Variants in NCBP2 observed in about 807,000 individuals in gnomAD.
NCBP2 encodes nuclear cap binding protein subunit 2, also known as nuclear cap-binding protein subunit 2.
NCBP2 carries 8 observed loss-of-function variants against 21.5 expected under a neutral mutation model. The ratio of observed to expected loss-of-function variants is 0.37; its 90% CI spans 0.22 to 0.67. The LOEUF (loss-of-function observed/expected upper bound fraction) is 0.67. Ranked by LOEUF, NCBP2 falls within the 30% of genes least tolerant of loss-of-function variation. The pLI, the probability that NCBP2 is intolerant of heterozygous loss-of-function variation, is 0.56. For missense variants in NCBP2, 127 were observed against 206.9 expected (o/e 0.61, Z 2.37); for synonymous variants, 92 against 75.8 (o/e 1.21, Z -1.11).
Position 196,937,646 on chromosome 3 carries a change from T to C in NCBP2, c.263A>G (p.Tyr88Cys), listed in dbSNP as rs1716329006. 6.2e-7 allele frequency: 1 copy of C among 1,613,976 alleles called. No homozygotes were observed. Among genetic ancestry groups the C allele is most frequent in the South Asian group, 1.1e-5 (1 of 91,078 alleles). The change falls in exon 3 of 4, where the codon TAT becomes TGT. Residue 88 changes from tyrosine (Y) to cysteine (C), a missense_variant and splice_region_variant. By Grantham distance (194) the Tyr-to-Cys change is radical (BLOSUM62 -2). Transcript: ENST00000321256. ...GTTTTCCGCATCTGCGCGTGAGTAA[T>C]ATCTTAAGTATTAAGGAACACTAGC... ...KTACGFCFVE[Y>C]YSRADAENAM...
chr3:196,939,310 C>CT lies in NCBP2; in HGVS notation c.200dup (p.Lys68GlufsTer8). 1 of 1,613,830 alleles carries CT rather than the reference C, an allele frequency of 6.2e-7. No individual in the cohort carries two copies. Among genetic ancestry groups the CT allele is most frequent in the Non-Finnish European group, 8.5e-7 (1 of 1,179,746 alleles). On this transcript the variant is annotated frameshift_variant, in exon 2 of 4. Transcript: ENST00000321256. LOFTEE classifies it high-confidence loss of function. The stretch of plus-strand genomic sequence containing the variant: ...TTTTATCCAGACCCATAATGATTTT[C>CT]TTTATGTCACCACTTTTGCTGAAGA...
intron 1 of NCBP2, chr3:196,941,553 T>C (rs1460445504): frequency 2.6e-5 from 8 of 309,056 alleles, no homozygotes; most frequent in Non-Finnish European, 4.8e-5. Flanking sequence ...GAATCCTCAC[T>C]ACAGGGGATT....
chr3:196,936,917 G>T lies in NCBP2; in HGVS notation c.*94C>A. 1.8e-6 allele frequency: 2 copies of T among 1,139,254 alleles called. No homozygotes were observed. Among genetic ancestry groups the T allele is most frequent in the South Asian group, 1.2e-5 (1 of 81,042 alleles). 70.6% of individuals were successfully genotyped at this position (1,139,254 alleles called of 1,614,324 possible). ...TCAGTAAAGACACTGATCAAATCTT[G>T]GTAAAAATGGGCTCGTGTGCAGACT... is the stretch of plus-strand genomic sequence containing the variant. On this transcript the variant is annotated 3_prime_UTR_variant, in exon 4 of 4. Transcript: ENST00000321256.
In NCBP2 at chr3:196,936,017, G is replaced by A. The variant is rs1189132256; in HGVS notation, c.*994C>T. 1 of 152,138 alleles carries A rather than the reference G, an allele frequency of 6.6e-6. No homozygotes were observed. Among genetic ancestry groups the A allele is most frequent in the African/African-American group, 2.4e-5 (1 of 41,414 alleles). The allele number at this position is 152,138 out of a possible 1,614,324, so 9.4% of individuals were successfully genotyped here. A position where few individuals can be genotyped will look rare whatever the true frequency, so the allele number is the denominator to read the frequency against. On this transcript the variant is annotated 3_prime_UTR_variant, in exon 4 of 4. Transcript: ENST00000321256. Reference sequence around the variant, plus strand: ...TCTTCAAGCTCCCTTTTAAAACCCAGTCCATTCCCAACATCACTGAAAATG... The same window carrying A: ...TCTTCAAGCTCCCTTTTAAAACCCAATCCATTCCCAACATCACTGAAAATG...
intron 1 of NCBP2, chr3:196,941,719 A>G: frequency 1.7e-6 from 1 of 600,638 alleles, no homozygotes; most frequent in Admixed American, 3.2e-5. Context: ...CTCCGCTGAT[A>G]CTGAAAAGTC....
intron 3 of NCBP2, 139 bp from the exon 4 acceptor site, chr3:196,937,221 A>C: frequency 1.1e-6 from 1 of 888,862 alleles, no homozygotes; most frequent in South Asian, 1.4e-5. Flanking sequence ...TATGCACTTC[A>C]GCTCACTTCA....
chr3:196,939,747 C>T (rs888763915), intron 1 of NCBP2: 13 of 269,552 alleles, frequency 4.8e-5, no homozygotes, highest in African/African-American at 2.7e-4. Context: ...ATCCTTTAAA[C>T]CCAAGTGTAG....
chr3:196,942,029 C>T (rs964208797), intron 1 of NCBP2: 1 of 1,535,846 alleles, frequency 6.5e-7, no homozygotes, highest in Non-Finnish European at 8.7e-7. Flanking sequence ...GCAAAAAGCC[C>T]CGCATCTGCA....
intron 1 of NCBP2, among the ~76,000 whole-genome samples, chr3:196,940,732 C>T (rs1560170874): frequency 6.6e-6 from 1 of 152,236 alleles, no homozygotes; most frequent in Admixed American, 6.5e-5. Flanking sequence ...GTTTTCATCT[C>T]ACAGGATGCT....
intron 3 of NCBP2, 79 bp downstream of exon 3, chr3:196,937,431 A>G (rs1560168726): frequency 1.9e-6 from 3 of 1,578,222 alleles, no homozygotes; most frequent in Non-Finnish European, 2.6e-6. Context: ...ACAAAAGAGT[A>G]AATACAAATT....
Position 196,937,071 on chromosome 3 carries a change from C to A in NCBP2, c.411G>T (p.Glu137Asp). ...TCCCAGCATCGTAGTCCTGCCGATA[C>A]TCATCCCGAACCTTTAATGGAAAGA... ...RGRSGGQVRD[E>D]YRQDYDAGRG... The change falls in exon 4 of 4, where the codon GAG becomes GAT. Residue 137 changes from glutamate to aspartate, a missense_variant. By Grantham distance (45) the Glu-to-Asp change is conservative (BLOSUM62 2). Coordinates refer to ENST00000321256, the MANE Select transcript of NCBP2 (RefSeq NM_007362.5). The A allele has an allele frequency of 3.1e-6, 5 of 1,614,168 alleles. No individual in the cohort carries two copies. The highest frequency in any genetic ancestry group is 4.2e-6 in the Non-Finnish European group (5 of 1,180,026).
chr3:196,940,372 CAA>C (rs11450608), intron 1 of NCBP2, among the ~76,000 whole-genome samples: 1 of 145,840 alleles, frequency 6.9e-6, no homozygotes, highest in African/African-American at 2.5e-5. Flanking sequence ...AACTCTATCT[CAA>C]AAAAAAAAAG....
intron 1 of NCBP2, chr3:196,941,744 G>T: frequency 6.4e-6 from 4 of 625,224 alleles, no homozygotes; most frequent in Non-Finnish European, 8.1e-6. Context: ...TTGAATATCT[G>T]CTGCCTCCCC....
In NCBP2 at chr3:196,937,627, C is replaced by T. The variant is rs774051813; in HGVS notation, c.282G>A (p.Ala94=). 1.9e-5 allele frequency: 31 copies of T among 1,614,028 alleles called. No homozygotes were observed. The highest frequency in any genetic ancestry group is 1.6e-4 in the African/African-American group (12 of 74,924). The part of the protein sequence containing the change: ...CFVEYYSRAD[A]ENAMRYINGT... ...CATTTATGTACCGCATGGCGTTTTCCGCATCTGCGCGTGAGTAATATCTTA... is the reference window on the plus strand; with the variant it reads ...CATTTATGTACCGCATGGCGTTTTCTGCATCTGCGCGTGAGTAATATCTTA... The change falls in exon 3 of 4, where the codon GCG becomes GCA. Residue 94 remains alanine, a synonymous_variant. Coordinates refer to ENST00000321256, the MANE Select transcript of NCBP2 (RefSeq NM_007362.5).
chr3:196,941,667 T>G (rs1229621644), intron 1 of NCBP2: 1 of 565,076 alleles, frequency 1.8e-6, no homozygotes, highest in African/African-American at 1.9e-5. Flanking sequence ...ATTGGGTTAA[T>G]GAGTCCCGCC....
At chr3:196,937,331 C>T in intron 3 of NCBP2, 179 bp downstream of exon 3, 1 of 898,192 alleles carries the variant, frequency 1.1e-6, no homozygotes, top group Non-Finnish European at 1.7e-6. Flanking sequence ...ACAGAACATA[C>T]CATTTCACGG....
chr3:196,942,504 A>G lies in NCBP2; in HGVS notation c.-1T>C, dbSNP rs1560172295. The stretch of plus-strand genomic sequence containing the variant: ...GCGCCTTCAGGAGGCCACCCGACAT[A>G]GTGCAGAGAAGCGGACCACAATGCG... On this transcript the variant is annotated 5_prime_UTR_variant, in exon 1 of 4. Coordinates refer to ENST00000321256, the MANE Select transcript of NCBP2 (RefSeq NM_007362.5). 2 of 1,611,814 alleles carry G rather than the reference A, an allele frequency of 1.2e-6. No homozygotes were observed. The highest frequency in any genetic ancestry group is 2.2e-5 in the East Asian group (1 of 44,810).
rs1298315653 is a variant in NCBP2, at chr3:196,935,963, G to A, written c.*1048C>T. On this transcript the variant is annotated 3_prime_UTR_variant, in exon 4 of 4. Coordinates refer to ENST00000321256, the MANE Select transcript of NCBP2 (RefSeq NM_007362.5). ...ATGGCTAAAAGAGGCATCTGCTGCA[G>A]GAACCTTCTGTGACTGTCAAACATT... is the stretch of plus-strand genomic sequence containing the variant. 1 of 152,200 alleles carries A rather than the reference G, an allele frequency of 6.6e-6. No individual in the cohort carries two copies. The highest frequency in any genetic ancestry group is 1.5e-5 in the Non-Finnish European group (1 of 68,044). 9.4% of individuals were successfully genotyped at this position (152,200 alleles called of 1,614,324 possible). A position where few individuals can be genotyped will look rare whatever the true frequency, so the allele number is the denominator to read the frequency against.
At chr3:196,940,275 A>C (rs1486504648) in intron 1 of NCBP2, 1 of 152,210 alleles carries the variant, frequency 6.6e-6, no homozygotes, top group Non-Finnish European at 1.5e-5. Flanking sequence ...GGGAGGCTGA[A>C]GCAGGAGAAT....
Sources: allele counts gnomAD v4.1 joint callset (sites outside exome capture counted in the v4.1 genomes callset), GRCh38; gene constraint gnomAD v4.1.1; transcripts MANE v1.5; gene names NCBI Gene and HGNC (gene_info 2026-07-23, HGNC 2026-07-21).